Variants in CCDC171 observed in about 807,000 individuals in gnomAD.
CCDC171 encodes the protein coiled-coil domain containing 171.
Under a neutral mutation model 168.2 loss-of-function variants are expected in CCDC171, and 177 were observed. The observed-to-expected ratio is 1.05, with a 90% CI of 0.93 to 1.19. The LOEUF (loss-of-function observed/expected upper bound fraction) is 1.19, where lower values mean the gene tolerates loss of function less well. CCDC171 is among the 50% of genes most tolerant of loss of function. The probability of loss-of-function intolerance (pLI) is 0.00; values close to 1 mark genes in which losing one functional copy is unlikely to be tolerated. For synonymous variants in CCDC171, 687 were observed against 540.8 expected, an observed-to-expected ratio of 1.27 and a Z score of -3.75; for missense variants, 1,991 against 1,539.0, an observed-to-expected ratio of 1.29 and a Z score of -4.91.
intron 23 of CCDC171, among the ~76,000 whole-genome samples, chr9:15,871,942 T>C (rs1325446591): frequency 1.3e-5 from 2 of 152,032 alleles, no homozygotes; most frequent in Non-Finnish European, 2.9e-5. Flanking sequence ...ATAATTCTTT[T>C]ACAAGACTTT....
At position 15,973,235 on chromosome 9, in the gene CCDC171, A is replaced by G. The variant is rs1417344259; in HGVS notation, c.*1399A>G. 1.3e-5 allele frequency: 2 copies of G among 152,154 alleles called. No individual in the cohort carries two copies. The highest frequency in any genetic ancestry group is 2.9e-5 in the Non-Finnish European group (2 of 68,022). The allele number at this position is 152,154 out of a possible 1,614,324, so 9.4% of individuals were successfully genotyped here. A position where few individuals can be genotyped will look rare whatever the true frequency, so the allele number is the denominator to read the frequency against. ...TTTTGACAAAGAGTCTTGATACATAATCTATTTTTTATATTATTTTTCATT... is the reference window on the plus strand; with the variant it reads ...TTTTGACAAAGAGTCTTGATACATAGTCTATTTTTTATATTATTTTTCATT... On this transcript the variant is annotated 3_prime_UTR_variant, in exon 26 of 26. Coordinates refer to ENST00000380701, the MANE Select transcript of CCDC171 (RefSeq NM_173550.4).
intron 9 of CCDC171, among the ~76,000 whole-genome samples, chr9:15,676,223 T>G (rs2049547076): frequency 6.6e-6 from 1 of 152,184 alleles, no homozygotes; most frequent in South Asian, 2.1e-4. Flanking sequence ...TTCAGCTGCA[T>G]CAGGTCATTT....
intron 21 of CCDC171, among the ~76,000 whole-genome samples, chr9:15,834,845 G>A (rs868453317): frequency 2.6e-5 from 4 of 152,296 alleles, no homozygotes; most frequent in Middle Eastern, 3.4e-3. Context: ...GATGAAACAG[G>A]ATGCTACTTT....
intron 1 of CCDC171, among the ~76,000 whole-genome samples, chr9:15,562,140 G>A (rs1266396323): frequency 1.3e-5 from 2 of 151,882 alleles, no homozygotes; most frequent in African/African-American, 2.4e-5. Context: ...GATTATAGGC[G>A]CCCACCATCA....
chr9:15,929,537 C>G (rs533597576), intron 25 of CCDC171, among the ~76,000 whole-genome samples: 1 of 151,670 alleles, frequency 6.6e-6, no homozygotes, highest in South Asian at 2.1e-4. Context: ...GAGTCCTTAA[C>G]TTTTGTTCCA....
In CCDC171 at chr9:15,988,804, C is replaced by T. The variant is rs535201413; in HGVS notation, n.369-31785C>T. On this transcript the variant is annotated intron_variant and non_coding_transcript_variant, in intron 3 of 9. Transcript: ENST00000486641. Reference sequence around the variant, plus strand: ...ATATCCCGCGCCTGGCTCGGAGGGTCCCAAGCCCATGGAGCCTCACCCATT... The same window carrying T: ...ATATCCCGCGCCTGGCTCGGAGGGTTCCAAGCCCATGGAGCCTCACCCATT... 2.1e-3 allele frequency among the ~76,000 whole-genome samples: 315 copies of T among 152,296 alleles called. 2 individuals are homozygous for T. The highest frequency in any genetic ancestry group is 3.6e-3 in the Non-Finnish European group (244 of 68,028).
chr9:15,651,248 A>G (rs565029649), intron 7 of CCDC171, among the ~76,000 whole-genome samples: 54 of 152,020 alleles, frequency 3.6e-4, no homozygotes, highest in African/African-American at 1.3e-3. Context: ...AGCTGGGATT[A>G]CAGGTGCCCG....
intron 3 of CCDC171, among the ~76,000 whole-genome samples, chr9:16,013,707 A>C (rs1027210104): frequency 6.6e-6 from 1 of 152,254 alleles, no homozygotes; most frequent in Admixed American, 6.5e-5. Context: ...ATACCACAAT[A>C]AAGTGAGTCA....
chr9:15,888,802 C>T (rs1025324050), intron 24 of CCDC171, among the ~76,000 whole-genome samples: 1 of 152,054 alleles, frequency 6.6e-6, no homozygotes, highest in Non-Finnish European at 1.5e-5. Context: ...TGCTCTGAAA[C>T]TGGTAACTTG....
chr9:15,917,190 A>G (rs1824648960), intron 24 of CCDC171, among the ~76,000 whole-genome samples: 1 of 151,900 alleles, frequency 6.6e-6, no homozygotes, highest in African/African-American at 2.4e-5. Flanking sequence ...GGAAGTTAAC[A>G]TTCTTTATTC....
intron 18 of CCDC171, among the ~76,000 whole-genome samples, chr9:15,756,291 A>G (rs2056110174): frequency 6.6e-6 from 1 of 152,246 alleles, no homozygotes; most frequent in African/African-American, 2.4e-5. Flanking sequence ...ACTTGAAAAA[A>G]ATGAATTAGA....
At position 15,591,386 on chromosome 9, in the gene CCDC171, G is replaced by C. The variant is rs765078022; in HGVS notation, c.373G>C (p.Ala125Pro). ...KLCAQNSELQ[A>P]KTNETEKAFQ... Reference sequence around the variant, plus strand: ...AATAGCACAGAATTCAGAACTTCAAGCAAAGACAAATGAGACTGAGAAAGC... The same window carrying C: ...AATAGCACAGAATTCAGAACTTCAACCAAAGACAAATGAGACTGAGAAAGC... Residue 125 changes from alanine to proline, a missense_variant, in exon 5 of 26, where the codon GCA (alanine) becomes CCA (proline). By Grantham distance (27) the Ala-to-Pro change is conservative. Transcript: ENST00000380701. The C allele has an allele frequency of 1.2e-6, 2 of 1,601,680 alleles. No homozygotes were observed. The highest frequency in any genetic ancestry group is 1.1e-5 in the South Asian group (1 of 88,070).
intron 6 of CCDC171, among the ~76,000 whole-genome samples, chr9:15,594,794 G>C (rs1408656405): frequency 6.6e-6 from 1 of 152,056 alleles, no homozygotes; most frequent in Non-Finnish European, 1.5e-5. Context: ...GAGATTATAT[G>C]TATTTATTTT....
intron 8 of CCDC171, among the ~76,000 whole-genome samples, chr9:15,661,016 C>T (rs567642390): frequency 6.6e-6 from 1 of 152,190 alleles, no homozygotes; most frequent in African/African-American, 2.4e-5. Context: ...CGCGGGGGCT[C>T]ACGCCTGTAA....
At chr9:16,002,603 GAAGA>G (rs1377058916) in intron 3 of CCDC171, among the ~76,000 whole-genome samples, 5 of 152,108 alleles carry the variant, frequency 3.3e-5, no homozygotes, top group Admixed American at 2.6e-4. Context: ...ATTTATTATT[GAAGA>G]AAGAAAAGTA....
At chr9:15,667,250 T>A (rs961323967) in intron 9 of CCDC171, among the ~76,000 whole-genome samples, 1 of 152,238 alleles carries the variant, frequency 6.6e-6, no homozygotes, top group Non-Finnish European at 1.5e-5. Flanking sequence ...TGTGGCATGA[T>A]AATACATTGG....
intron 24 of CCDC171, among the ~76,000 whole-genome samples, chr9:15,917,272 G>A (rs907578852): frequency 5.9e-5 from 9 of 151,746 alleles, no homozygotes; most frequent in Non-Finnish European, 1.3e-4. Flanking sequence ...AGTTTTGAAG[G>A]AGACTTTTGT....
At chr9:15,878,197 T>A (rs1818116395) in intron 24 of CCDC171, among the ~76,000 whole-genome samples, 1 of 152,018 alleles carries the variant, frequency 6.6e-6, no homozygotes, top group Non-Finnish European at 1.5e-5. Context: ...ACAGACAACC[T>A]ACAGAATGGG....
chr9:15,688,975 G>C (rs1207808069), intron 10 of CCDC171, among the ~76,000 whole-genome samples: 1 of 152,148 alleles, frequency 6.6e-6, no homozygotes, highest in Non-Finnish European at 1.5e-5. Flanking sequence ...CACACATGCA[G>C]AGAAAATTAT....
Sources: allele counts gnomAD v4.1 joint callset (sites outside exome capture counted in the v4.1 genomes callset), GRCh38; gene constraint gnomAD v4.1.1; transcripts MANE v1.5; gene names NCBI Gene and HGNC (gene_info 2026-07-23, HGNC 2026-07-21).